Variants in PLCH1 observed in about 807,000 individuals in gnomAD.
The protein encoded by PLCH1 is 1-phosphatidylinositol 4,5-bisphosphate phosphodiesterase eta-1.
PLCH1 carries 60 observed loss-of-function variants against 126.7 expected under a neutral mutation model. That is an observed-to-expected ratio of 0.47 (90% confidence interval 0.38 to 0.59). The LOEUF (loss-of-function observed/expected upper bound fraction) is 0.59. Ranked by LOEUF, PLCH1 falls within the 20% of genes least tolerant of loss-of-function variation. PLCH1 has a pLI of 0.00. For missense variants in PLCH1, 1,723 were observed against 2,040.0 expected, an observed-to-expected ratio of 0.84 and a Z score of 2.99; for synonymous variants, 719 against 734.9, an observed-to-expected ratio of 0.98 and a Z score of 0.35.
intron 10 of PLCH1, among the ~76,000 whole-genome samples, chr3:155,526,370 GCTCTCTCTCT>G (rs576894112): frequency 3.4e-5 from 5 of 147,304 alleles, no homozygotes; most frequent in African/African-American, 1.2e-4. Context: ...CTTTCCTGGA[GCTCTCTCTCT>G]CTCTCTCTCT....
rs1267598166 is a variant in PLCH1, at chr3:155,586,151, C to T, written c.514G>A (p.Gly172Ser). 5.6e-6 allele frequency: 9 copies of T among 1,613,838 alleles called. No individual in the cohort carries two copies. The highest frequency in any genetic ancestry group is 2.2e-5 in the South Asian group (2 of 91,080). ...TGTATCTCTTCAATATTCAGCAAGC[C>T]GTCACCATTCTTATCAGCTTCCTCA... ...TFEEADKNGD[G>S]LLNIEEIHQL... Residue 172 changes from glycine (G) to serine (S), a missense_variant, in exon 5 of 23, where the codon GGC becomes AGC. Physicochemically the swap from Gly to Ser is moderately conservative, Grantham distance 56 (BLOSUM62 0). Around this residue, in one of 2 missense-constraint regions of PLCH1, gnomAD observed 776 missense variants for 1,062.9 expected, o/e 0.73. Coordinates refer to ENST00000460012, the MANE Select transcript of PLCH1 (RefSeq NM_014996.4).
intron 6 of PLCH1, among the ~76,000 whole-genome samples, chr3:155,573,699 C>T (rs1729553575): frequency 6.6e-6 from 1 of 152,104 alleles, no homozygotes; most frequent in Non-Finnish European, 1.5e-5. Context: ...TACATCAGTC[C>T]TACCACAATT....
At chr3:155,468,263 A>G (rs1462545758) in intron 21 of PLCH1, among the ~76,000 whole-genome samples, 1 of 152,236 alleles carries the variant, frequency 6.6e-6, no homozygotes, top group Non-Finnish European at 1.5e-5. Context: ...AATACACAAA[A>G]AAATAAAAAG....
intron 1 of PLCH1, among the ~76,000 whole-genome samples, chr3:155,707,137 T>G (rs540298737): frequency 2.0e-5 from 3 of 152,230 alleles, no homozygotes; most frequent in Non-Finnish European, 2.9e-5. Flanking sequence ...GAAAGGGCCC[T>G]CACAAGACAT....
chr3:155,505,129 T>C (rs1718462821), intron 12 of PLCH1, among the ~76,000 whole-genome samples: 1 of 152,160 alleles, frequency 6.6e-6, no homozygotes, highest in Non-Finnish European at 1.5e-5. Context: ...TATAAATAAA[T>C]AAAATCCAAG....
chr3:155,539,450 A>C (rs1723916954), intron 10 of PLCH1, among the ~76,000 whole-genome samples: 1 of 152,168 alleles, frequency 6.6e-6, no homozygotes, highest in Admixed American at 6.5e-5. Flanking sequence ...AAATGTGTAA[A>C]GAGGAAGTCA....
At chr3:155,644,905 G>A (rs781255712) in intron 2 of PLCH1, among the ~76,000 whole-genome samples, 1 of 152,148 alleles carries the variant, frequency 6.6e-6, no homozygotes, top group Non-Finnish European at 1.5e-5. Flanking sequence ...AAATGTTCCT[G>A]TCTGAATAAA....
intron 2 of PLCH1, among the ~76,000 whole-genome samples, chr3:155,599,683 A>C (rs1733470779): frequency 6.6e-6 from 1 of 152,214 alleles, no homozygotes; most frequent in Admixed American, 6.5e-5. Context: ...CAGAGATCTA[A>C]CAGCAAGGAC....
At chr3:155,708,636 A>G (rs1302958049) in intron 1 of PLCH1, among the ~76,000 whole-genome samples, 2 of 152,190 alleles carry the variant, frequency 1.3e-5, no homozygotes, top group East Asian at 3.8e-4. Flanking sequence ...TTTATATTAC[A>G]TTAGAGATGT....
chr3:155,566,124 T>TACATATACATATACACAC (rs1728347666), intron 7 of PLCH1, among the ~76,000 whole-genome samples: 1 of 135,844 alleles, frequency 7.4e-6, no homozygotes, highest in African/African-American at 2.9e-5. Flanking sequence ...TATATATATG[T>TACATATACATATACACAC]ATATATACAT....
intron 6 of PLCH1, among the ~76,000 whole-genome samples, chr3:155,572,126 G>C (rs1729309328): frequency 6.6e-6 from 1 of 152,088 alleles, no homozygotes; most frequent in African/African-American, 2.4e-5. Flanking sequence ...CCCTACAAAA[G>C]TTCTCCTTCT....
intron 10 of PLCH1, among the ~76,000 whole-genome samples, chr3:155,527,013 G>A (rs1217392388): frequency 6.6e-6 from 1 of 152,132 alleles, no homozygotes; most frequent in Non-Finnish European, 1.5e-5. Flanking sequence ...GTAGCTGCCA[G>A]CATGTCCACC....
At chr3:155,629,193 G>T (rs1194215794) in intron 2 of PLCH1, among the ~76,000 whole-genome samples, 2 of 152,114 alleles carry the variant, frequency 1.3e-5, no homozygotes, top group African/African-American at 2.4e-5. Context: ...CATTTTTTCT[G>T]AATGACATCA....
Position 155,494,089 on chromosome 3 carries a change from G to C in PLCH1, c.2182+52C>G, listed in dbSNP as rs1716647329. ...CCTTAATAAAGGTTGCCTGCATTTA[G>C]ACTATGAAATTAACACACACCTGCA... On this transcript the variant is annotated intron_variant, in intron 17 of 22. Coordinates refer to ENST00000460012, the MANE Select transcript of PLCH1 (RefSeq NM_014996.4). The C allele has an allele frequency of 3.6e-6, 5 of 1,383,366 alleles. 1 individual carries two copies. The South Asian group carries it at 5.8e-5, about 16-fold the overall frequency. 85.7% of individuals were successfully genotyped at this position (1,383,366 alleles called of 1,614,324 possible).
At chr3:155,672,882 A>G (rs941529292) in intron 2 of PLCH1, among the ~76,000 whole-genome samples, 1 of 152,098 alleles carries the variant, frequency 6.6e-6, no homozygotes, top group African/African-American at 2.4e-5. Context: ...TAGCTAAGAA[A>G]CTTGAATAAA....
intron 2 of PLCH1, among the ~76,000 whole-genome samples, chr3:155,653,559 G>T (rs1379770129): frequency 6.6e-6 from 1 of 152,048 alleles, no homozygotes; most frequent in Non-Finnish European, 1.5e-5. Context: ...CAAAACAAGG[G>T]AACAAAGCTC....
At chr3:155,727,346 A>G (rs1315306026) in intron 1 of PLCH1, among the ~76,000 whole-genome samples, 1 of 151,948 alleles carries the variant, frequency 6.6e-6, no homozygotes, top group Non-Finnish European at 1.5e-5. Flanking sequence ...AGGAAAAAAA[A>G]ATGGGTTCTG....
intron 10 of PLCH1, among the ~76,000 whole-genome samples, chr3:155,543,683 G>T (rs983745166): frequency 4.0e-5 from 6 of 151,722 alleles, no homozygotes; most frequent in Admixed American, 2.6e-4. Flanking sequence ...GACTAACAGC[G>T]GATCTCTCGG....
chr3:155,557,303 G>A lies in PLCH1; in HGVS notation c.1070-3107C>T, dbSNP rs541146945. 1.2e-4 allele frequency among the ~76,000 whole-genome samples: 18 copies of A among 152,272 alleles called. No homozygotes were observed. The South Asian group carries it at 2.9e-3, about 25-fold the overall frequency. On this transcript the variant is annotated intron_variant, in intron 8 of 22. Transcript: ENST00000460012. Reference sequence around the variant, plus strand: ...TTACCCTGTTTTGTGGTCCCTTCTTGGAGAAGAAAGAGCATAACAGGATTC... The same window carrying A: ...TTACCCTGTTTTGTGGTCCCTTCTTAGAGAAGAAAGAGCATAACAGGATTC...
Sources: gnomAD v4.1 joint callset for allele counts (sites outside exome capture counted in the v4.1 genomes callset) on GRCh38, gnomAD v4.1.1 for gene constraint, gnomAD v4.1.1 regional missense constraint, MANE v1.5 for transcripts, NCBI Gene and HGNC (gene_info 2026-07-23, HGNC 2026-07-21) for gene names.